Variants in EYA2 observed in about 807,000 individuals in gnomAD.
EYA2 encodes EYA transcriptional coactivator and phosphatase 2.
In EYA2, 31 loss-of-function variants were observed where a neutral mutation model predicts 69.2. The observed-to-expected ratio is 0.45, with a 90% CI of 0.34 to 0.60. The LOEUF (loss-of-function observed/expected upper bound fraction) is 0.60. Ranked by LOEUF, EYA2 falls within the 20% of genes least tolerant of loss-of-function variation. The pLI is 0.02. For missense variants in EYA2, 622 were observed against 701.2 expected, an observed-to-expected ratio of 0.89 and a Z score of 1.28; for synonymous variants, 257 against 279.4, an observed-to-expected ratio of 0.92 and a Z score of 0.80.
At chr20:47,152,508 G>A (rs1323735108) in intron 10 of EYA2, among the ~76,000 whole-genome samples, 1 of 151,708 alleles carries the variant, frequency 6.6e-6, no homozygotes, top group Non-Finnish European at 1.5e-5. Context: ...GGATAGGGGG[G>A]CGCATTAGAA....
At chr20:47,132,133 G>A (rs1210856337) in intron 9 of EYA2, among the ~76,000 whole-genome samples, 1 of 152,104 alleles carries the variant, frequency 6.6e-6, no homozygotes, top group Admixed American at 6.6e-5. Context: ...ATTTTTTGTA[G>A]AGATGAAGTC....
At chr20:47,110,079 C>G (rs2032706033) in intron 9 of EYA2, among the ~76,000 whole-genome samples, 2 of 152,096 alleles carry the variant, frequency 1.3e-5, no homozygotes, top group South Asian at 4.1e-4. Flanking sequence ...GAGCTTTACA[C>G]CCTCTCTCTC....
intron 1 of EYA2, among the ~76,000 whole-genome samples, chr20:46,904,971 T>C (rs1821195640): frequency 1.3e-5 from 2 of 152,146 alleles, no homozygotes; most frequent in South Asian, 4.1e-4. Context: ...CGGTTAGCTC[T>C]CCCCATGGAT....
At chr20:47,122,693 G>T (rs1481043879) in intron 9 of EYA2, among the ~76,000 whole-genome samples, 1 of 152,010 alleles carries the variant, frequency 6.6e-6, no homozygotes, top group Non-Finnish European at 1.5e-5. Flanking sequence ...AAGAGCAGAG[G>T]TCAGCAAACT....
At chr20:46,988,206 C>T (rs11699064) in intron 1 of EYA2, among the ~76,000 whole-genome samples, 4,434 of 23,582 alleles carry the variant, frequency 0.19, 80 homozygotes, top group Middle Eastern at 0.25. Context: ...GTGTCCATGG[C>T]GGGGGGCGGG....
At chr20:47,169,266 G>A (rs2034269270) in intron 11 of EYA2, 69 bp downstream of exon 11, 1 of 1,488,356 alleles carries the variant, frequency 6.7e-7, no homozygotes, top group Admixed American at 1.7e-5. Flanking sequence ...CTTCTACTAG[G>A]AAGTGGGGTG....
chr20:47,058,984 C>G (rs2030759267), intron 5 of EYA2, among the ~76,000 whole-genome samples: 1 of 152,226 alleles, frequency 6.6e-6, no homozygotes, highest in African/African-American at 2.4e-5. Flanking sequence ...TCCCGAAACA[C>G]TAGTGCATGT....
chr20:47,158,983 TATAAA>T (rs1244034035), intron 10 of EYA2, among the ~76,000 whole-genome samples: 1 of 151,948 alleles, frequency 6.6e-6, no homozygotes. Flanking sequence ...TAACCCAAAG[TATAAA>T]ATAAGTATGT....
At chr20:47,187,361 G>GAA (rs200497434) in intron 15 of EYA2, among the ~76,000 whole-genome samples, 2 of 147,186 alleles carry the variant, frequency 1.4e-5, no homozygotes, top group African/African-American at 5.1e-5. Context: ...AAGAAAGAAA[G>GAA]AAAGAAAAAA....
chr20:47,126,965 A>G (rs931255056), intron 9 of EYA2, among the ~76,000 whole-genome samples: 4 of 152,224 alleles, frequency 2.6e-5, no homozygotes, highest in African/African-American at 9.6e-5. Context: ...CAAATGTTTC[A>G]TTCTTATATA....
chr20:47,158,105 A>C (rs2033992590), intron 10 of EYA2, among the ~76,000 whole-genome samples: 1 of 151,916 alleles, frequency 6.6e-6, no homozygotes, highest in Non-Finnish European at 1.5e-5. Context: ...TAGTTTCCAC[A>C]CTGGTGAAAA....
intron 9 of EYA2, among the ~76,000 whole-genome samples, chr20:47,108,170 A>G (rs1186111654): frequency 6.6e-6 from 1 of 152,222 alleles, no homozygotes; most frequent in Non-Finnish European, 1.5e-5. Context: ...TTGAAATTTC[A>G]TCCCCATTGT....
intron 9 of EYA2, among the ~76,000 whole-genome samples, chr20:47,123,938 G>A (rs1036712436): frequency 1.4e-4 from 21 of 151,134 alleles, no homozygotes; most frequent in Middle Eastern, 3.2e-3. Flanking sequence ...GTTGCAGTGT[G>A]CCAAGTGCAC....
chr20:47,023,181 C>T (rs545533209), intron 5 of EYA2, among the ~76,000 whole-genome samples: 23 of 152,222 alleles, frequency 1.5e-4, no homozygotes, highest in Admixed American at 3.3e-4. Flanking sequence ...GTAATAATTT[C>T]GTGGGAACCC....
intron 7 of EYA2, among the ~76,000 whole-genome samples, chr20:47,078,219 T>C (rs1490509915): frequency 6.6e-6 from 1 of 152,212 alleles, no homozygotes; most frequent in Non-Finnish European, 1.5e-5. Context: ...TAAAATCTAA[T>C]GACGTAAATA....
At chr20:47,065,958 G>A (rs1303934613) in intron 5 of EYA2, among the ~76,000 whole-genome samples, 1 of 152,200 alleles carries the variant, frequency 6.6e-6, no homozygotes, top group Non-Finnish European at 1.5e-5. Context: ...GCCACACGGT[G>A]ATATTTGGTA....
intron 1 of EYA2, among the ~76,000 whole-genome samples, chr20:46,933,525 A>G (rs1985762212): frequency 6.6e-6 from 1 of 152,208 alleles, no homozygotes; most frequent in South Asian, 2.1e-4. Flanking sequence ...CCCAAACTGG[A>G]AGGGCCAGAC....
chr20:47,022,974 C>T (rs184175308), intron 5 of EYA2, among the ~76,000 whole-genome samples: 3 of 152,036 alleles, frequency 2.0e-5, no homozygotes, highest in East Asian at 3.9e-4. Context: ...TTTGTCACCC[C>T]GCAAAGAAAC....
rs1381823975 is a variant in EYA2 at position 47,016,205 on chromosome 20, A to G, written c.323A>G (p.Asn108Ser). 1 of 1,614,028 alleles carries G rather than the reference A, an allele frequency of 6.2e-7. No individual in the cohort carries two copies. The highest frequency in any genetic ancestry group is 2.2e-5 in the East Asian group (1 of 44,884). ...GGCATCAAGACAGAAGACAGCTTGAACCATTCCCCTGGCCAGAGTGGATTC... is the reference window on the plus strand; with the variant it reads ...GGCATCAAGACAGAAGACAGCTTGAGCCATTCCCCTGGCCAGAGTGGATTC... ...SYSIKTEDSL[N>S]HSPGQSGFLS... Residue 108 changes from asparagine (N) to serine (S), a missense_variant, in exon 5 of 16, where the codon AAC becomes AGC. This residue lies in a region of EYA2 where 365 missense variants were observed against 349.7 expected (regional missense o/e 1.04). Transcript: ENST00000327619.
Sources: gnomAD v4.1 joint callset for allele counts (sites outside exome capture counted in the v4.1 genomes callset) on GRCh38, gnomAD v4.1.1 for gene constraint, gnomAD v4.1.1 regional missense constraint, MANE v1.5 for transcripts, NCBI Gene and HGNC (gene_info 2026-07-23, HGNC 2026-07-21) for gene names.